Variants in TSHZ3 observed in about 807,000 individuals in gnomAD.
TSHZ3 encodes the protein teashirt homolog 3.
A neutral mutation model predicts 64.5 loss-of-function variants in TSHZ3; 10 were observed. The ratio of observed to expected loss-of-function variants is 0.16; its 90% CI spans 0.10 to 0.26. The LOEUF is 0.26. Ranked by LOEUF, TSHZ3 falls within the 10% of genes least tolerant of loss-of-function variation. The pLI, the probability that TSHZ3 is intolerant of heterozygous loss-of-function variation, is 1.00. For synonymous variants in TSHZ3, 608 were observed against 593.1 expected, an observed-to-expected ratio of 1.03 and a Z score of -0.36; for missense variants, 1,242 against 1,421.7, an observed-to-expected ratio of 0.87 and a Z score of 2.03.
intron 3 of TSHZ3, among the ~76,000 whole-genome samples, chr19:31,238,553 G>T (rs1975649808): frequency 6.6e-6 from 1 of 152,276 alleles, no homozygotes; most frequent in Middle Eastern, 3.4e-3. Context: ...ATTGTGCCCG[G>T]CTATGAATTT....
chr19:31,189,305 T>G (rs1455788126), intron 5 of TSHZ3, among the ~76,000 whole-genome samples: 1 of 152,010 alleles, frequency 6.6e-6, no homozygotes, highest in Non-Finnish European at 1.5e-5. Flanking sequence ...TTTACTTAGT[T>G]TTTTTCTTAT....
At chr19:31,171,760 C>T (rs1279638488) in intron 5 of TSHZ3, among the ~76,000 whole-genome samples, 1 of 151,990 alleles carries the variant, frequency 6.6e-6, no homozygotes, top group East Asian at 1.9e-4. Flanking sequence ...TAGGGTTGGG[C>T]CCATGTGCAC....
chr19:31,312,260 A>G (rs1916478977), intron 1 of TSHZ3, among the ~76,000 whole-genome samples: 1 of 152,260 alleles, frequency 6.6e-6, no homozygotes, highest in Non-Finnish European at 1.5e-5. Context: ...CTTAGGTCAG[A>G]GAAATAAGCA....
intron 1 of TSHZ3, among the ~76,000 whole-genome samples, chr19:31,327,829 G>GA (rs1202027524): frequency 6.6e-6 from 1 of 151,820 alleles, no homozygotes; most frequent in Non-Finnish European, 1.5e-5. Flanking sequence ...ATTGCACTGG[G>GA]AAAAAAAATA....
At chr19:31,332,331 T>C (rs1917120155) in intron 1 of TSHZ3, among the ~76,000 whole-genome samples, 1 of 152,176 alleles carries the variant, frequency 6.6e-6, no homozygotes, top group Non-Finnish European at 1.5e-5. Flanking sequence ...CTGGAATGTA[T>C]AAACAGTGTT....
At chr19:31,286,756 C>T (rs1568369758) in intron 1 of TSHZ3, among the ~76,000 whole-genome samples, 1 of 152,150 alleles carries the variant, frequency 6.6e-6, no homozygotes, top group Non-Finnish European at 1.5e-5. Context: ...CTCAATTCCC[C>T]CATTGGGATC....
chr19:31,276,605 G>C lies in TSHZ3; in HGVS notation c.3188C>G (p.Thr1063Arg). Residue 1063 changes from threonine (T) to arginine (R), a missense_variant, in exon 2 of 2, where the codon ACA becomes AGA. By Grantham distance (71) the Thr-to-Arg change is moderately conservative (BLOSUM62 -1). Coordinates refer to ENST00000240587, the MANE Select transcript of TSHZ3 (RefSeq NM_020856.4). ...KHAVKLHLSK[T>R]HGKSPEDHLL... ...GTGGTCTTCCGGAGATTTCCCGTGT[G>C]TTTTGCTAAGGTGAAGTTTAACAGC... 1 of 1,601,660 alleles carries C rather than the reference G, an allele frequency of 6.2e-7. No homozygotes were observed. The highest frequency in any genetic ancestry group is 8.5e-7 in the Non-Finnish European group (1 of 1,171,154).
rs35192337 is a variant in TSHZ3, at chr19:31,213,356, CAAAAAAAAA to C, written n.687-8287_687-8279del. Among the ~76,000 whole-genome samples the C allele has an allele frequency of 1.3e-3, 31 of 23,292 alleles. No individual in the cohort carries two copies. In the South Asian group the frequency reaches 0.047, roughly 35 times the overall value. The allele number at this position is 23,292 out of a possible 152,430, so 15.3% of individuals were successfully genotyped here. A position where few individuals can be genotyped will look rare whatever the true frequency, so the allele number is the denominator to read the frequency against. On this transcript the variant is annotated intron_variant and non_coding_transcript_variant, in intron 4 of 6. Coordinates refer to the TSHZ3 transcript ENST00000651361. ...TGAGCAACAGAGCGAGACTCTGTCT[CAAAAAAAAA>C]AAAAAAAAAAAAAAAAAAAAAAAAA...
chr19:31,277,786 G>A lies in TSHZ3; in HGVS notation c.2007C>T (p.Asn669=), dbSNP rs140467627. 1,105 of 1,538,120 alleles carry A rather than the reference G, an allele frequency of 7.2e-4. 2 individuals carry two copies. The highest frequency in any genetic ancestry group is 2.1e-3 in the South Asian group (162 of 76,900). ...ACCCATCCCGCGGGGGGCTGGGGCTGTTCTCCTGGCTGCGGAAGCCCCCAT... is the reference window on the plus strand; with the variant it reads ...ACCCATCCCGCGGGGGGCTGGGGCTATTCTCCTGGCTGCGGAAGCCCCCAT... The part of the protein sequence containing the change: ...SSDGGFRSQE[N]SPSPPRDGCK... The change falls in exon 2 of 2, where the codon AAC becomes AAT. Residue 669 remains asparagine (N), a synonymous_variant. Coordinates refer to ENST00000240587, the MANE Select transcript of TSHZ3 (RefSeq NM_020856.4). The surrounding 1 kb of genome is among the most constrained non-coding windows in gnomAD (Gnocchi z 4.5).
intron 5 of TSHZ3, among the ~76,000 whole-genome samples, chr19:31,166,103 CA>C (rs1974447704): frequency 6.6e-6 from 1 of 152,176 alleles, no homozygotes; most frequent in Admixed American, 6.5e-5. Flanking sequence ...GTTATTCCTG[CA>C]CAGCGTTCAG....
At chr19:31,206,881 G>A (rs1265376776) in intron 4 of TSHZ3, among the ~76,000 whole-genome samples, 1 of 152,142 alleles carries the variant, frequency 6.6e-6, no homozygotes, top group African/African-American at 2.4e-5. Context: ...AGGCAGGTAA[G>A]TTGTTGGGAT....
intron 3 of TSHZ3, among the ~76,000 whole-genome samples, chr19:31,230,436 G>T (rs1975524193): frequency 6.6e-6 from 1 of 152,080 alleles, no homozygotes; most frequent in Non-Finnish European, 1.5e-5. Flanking sequence ...CAAATATTCT[G>T]CAATAAAAAT....
intron 5 of TSHZ3, among the ~76,000 whole-genome samples, chr19:31,165,483 A>G (rs1269315125): frequency 6.6e-6 from 1 of 152,178 alleles, no homozygotes; most frequent in Non-Finnish European, 1.5e-5. Flanking sequence ...GCCTACCTAG[A>G]GCACAGATTG....
Position 31,278,120 on chromosome 19 carries a change from T to C in TSHZ3, c.1673A>G (p.Asn558Ser), listed in dbSNP as rs1234140515. ...PSIHAAYQLP[N>S]MMKLSLGSSG... is the part of the protein sequence containing the mutation. Reference sequence around the variant, plus strand: ...CGAGCCCAGGGACAACTTCATCATGTTGGGAAGTTGGTAGGCGGCATGGAT... The same window carrying C: ...CGAGCCCAGGGACAACTTCATCATGCTGGGAAGTTGGTAGGCGGCATGGAT... Residue 558 changes from asparagine (N) to serine (S), a missense_variant, in exon 2 of 2, where the codon AAC (asparagine) becomes AGC (serine). This residue lies in a region of TSHZ3 where 550 missense variants were observed against 545.1 expected (regional missense o/e 1.01). Transcript: ENST00000240587. This position sits in a 1 kb window ranked among gnomAD's most constrained non-coding sequence, Gnocchi z 4.7. 1.2e-6 allele frequency: 2 copies of C among 1,613,972 alleles called. No homozygotes were observed. The highest frequency in any genetic ancestry group is 1.3e-5 in the African/African-American group (1 of 75,024).
chr19:31,241,372 A>G (rs1036759256), intron 3 of TSHZ3, among the ~76,000 whole-genome samples: 2 of 152,200 alleles, frequency 1.3e-5, no homozygotes, highest in African/African-American at 4.8e-5. Context: ...TGTTGTCTTG[A>G]AAGATGCTGA....
chr19:31,222,075 A>C (rs1276389354), intron 4 of TSHZ3, among the ~76,000 whole-genome samples: 2 of 152,112 alleles, frequency 1.3e-5, no homozygotes, highest in Non-Finnish European at 2.9e-5. Context: ...AGTCTATTTT[A>C]AGCCAGGGTC....
Position 31,277,656 on chromosome 19 carries a change from G to T in TSHZ3, c.2137C>A (p.Pro713Thr). 2 of 1,535,620 alleles carry T rather than the reference G, an allele frequency of 1.3e-6. No individual in the cohort carries two copies. Among genetic ancestry groups the T allele is most frequent in the Non-Finnish European group, 1.8e-6 (2 of 1,142,406 alleles). Residue 713 changes from proline (P) to threonine (T), a missense_variant, in exon 2 of 2, where the codon CCG (proline) becomes ACG (threonine). This residue lies in a region of TSHZ3 where 550 missense variants were observed against 545.1 expected (regional missense o/e 1.01). Coordinates refer to ENST00000240587, the MANE Select transcript of TSHZ3 (RefSeq NM_020856.4). The surrounding 1 kb of genome is among the most constrained non-coding windows in gnomAD (Gnocchi z 4.5). ...GGGTTAACAAAAGGCTGTTCAGGCG[G>T]GTGGTCGGTGATGATGGCCGTGCTG... ...SGSTAIITDH[P>T]PEQPFVNPLS...
At chr19:31,225,788 C>G (rs1351139174) in intron 4 of TSHZ3, among the ~76,000 whole-genome samples, 2 of 152,088 alleles carry the variant, frequency 1.3e-5, no homozygotes, top group Non-Finnish European at 2.9e-5. Context: ...ACTCATTTTC[C>G]TCCTGCTGTT....
At position 31,288,990 on chromosome 19, in the gene TSHZ3, A is replaced by G. The variant is rs199508232; in HGVS notation, c.41-9238T>C. Among the ~76,000 whole-genome samples the G allele has an allele frequency of 2.0e-5, 3 of 152,368 alleles. No homozygotes were observed. In the East Asian group the frequency reaches 5.8e-4, roughly 29 times the overall value. On this transcript the variant is annotated intron_variant, in intron 1 of 1. Coordinates refer to ENST00000240587, the MANE Select transcript of TSHZ3 (RefSeq NM_020856.4). Reference sequence around the variant, plus strand: ...TCTGTGAGCATCAGTTTCTTCATCAACAAATGGGAGGAAGGAATGGGAAGA... The same window carrying G: ...TCTGTGAGCATCAGTTTCTTCATCAGCAAATGGGAGGAAGGAATGGGAAGA...
Sources: allele counts gnomAD v4.1 joint callset (sites outside exome capture counted in the v4.1 genomes callset), GRCh38; gene constraint gnomAD v4.1.1; regional missense constraint gnomAD v4.1.1; non-coding constraint Gnocchi (gnomAD v3.1); transcripts MANE v1.5; gene names NCBI Gene and HGNC (gene_info 2026-07-23, HGNC 2026-07-21).